Variants in SRGAP3 observed in about 807,000 individuals in gnomAD.
SRGAP3 encodes the protein SLIT-ROBO Rho GTPase-activating protein 3.
SRGAP3 carries 39 observed loss-of-function variants against 121.1 expected under a neutral mutation model. The ratio of observed to expected loss-of-function variants is 0.32; its 90% CI spans 0.25 to 0.42. The LOEUF (loss-of-function observed/expected upper bound fraction) is 0.42. Ranked by LOEUF, SRGAP3 falls within the 10% of genes least tolerant of loss-of-function variation. The pLI is 1.00. For synonymous variants in SRGAP3, 601 were observed against 570.0 expected (o/e 1.05, Z -0.77); for missense variants, 1,213 against 1,470.6 (o/e 0.82, Z 2.86).
At chr3:9,048,053 A>G (rs886972717) in intron 9 of SRGAP3, among the ~76,000 whole-genome samples, 9 of 152,246 alleles carry the variant, frequency 5.9e-5, no homozygotes, top group African/African-American at 2.2e-4. Flanking sequence ...CAGATGAGAA[A>G]AATGAAGCTT....
chr3:9,152,842 G>A (rs1259305889), intron 1 of SRGAP3, among the ~76,000 whole-genome samples: 1 of 130,258 alleles, frequency 7.7e-6, no homozygotes, highest in Non-Finnish European at 1.6e-5. Context: ...CCACATCCAC[G>A]ACTGATCAAC....
At chr3:9,065,652 A>T (rs1946395113) in intron 4 of SRGAP3, 1 of 152,176 alleles carries the variant, frequency 6.6e-6, no homozygotes, top group African/African-American at 2.4e-5. Flanking sequence ...AGATTCACTG[A>T]TGGTGCCGTA....
chr3:9,155,062 T>C (rs1950364765), intron 1 of SRGAP3, among the ~76,000 whole-genome samples: 1 of 152,146 alleles, frequency 6.6e-6, no homozygotes, highest in South Asian at 2.1e-4. Flanking sequence ...CTAGATGAAG[T>C]TGATCCTTTA....
chr3:9,035,304 T>C (rs530459007), intron 11 of SRGAP3: 1 of 159,846 alleles, frequency 6.3e-6, no homozygotes, highest in African/African-American at 2.4e-5. Flanking sequence ...TTTTGTTTTT[T>C]CTTAAATTCT....
intron 14 of SRGAP3, among the ~76,000 whole-genome samples, chr3:9,022,523 G>C (rs947245792): frequency 6.6e-6 from 1 of 152,202 alleles, no homozygotes; most frequent in African/African-American, 2.4e-5. Flanking sequence ...TGACGGCCAG[G>C]AAGAGGGAAG....
chr3:9,262,534 CAAAAAAAA>C (rs765408588), intron 3 of SRGAP3, among the ~76,000 whole-genome samples: 3 of 25,582 alleles, frequency 1.2e-4, no homozygotes, highest in Non-Finnish European at 2.3e-4. Flanking sequence ...AAATGGAAAG[CAAAAAAAA>C]AAAAAAAAAA....
intron 8 of SRGAP3, among the ~76,000 whole-genome samples, chr3:9,055,856 C>A (rs189891358): frequency 1.3e-5 from 2 of 151,934 alleles, no homozygotes; most frequent in East Asian, 3.9e-4. Flanking sequence ...TATGGCAATA[C>A]TGAACATAGA....
intron 1 of SRGAP3, among the ~76,000 whole-genome samples, chr3:9,147,329 C>T (rs910273506): frequency 6.6e-6 from 1 of 152,160 alleles, no homozygotes; most frequent in Non-Finnish European, 1.5e-5. Flanking sequence ...GGTCAGTAGG[C>T]TCAAGGGTTG....
At chr3:9,286,135 C>CACACACAA (rs767238062) in intron 3 of SRGAP3, among the ~76,000 whole-genome samples, 1 of 151,134 alleles carries the variant, frequency 6.6e-6, no homozygotes, top group Admixed American at 6.6e-5. Flanking sequence ...CACACACACA[C>CACACACAA]ACACACACAC....
At chr3:9,256,763 GCCTGCATTCTGCC>G in intron 3 of SRGAP3, 1 of 396,460 alleles carries the variant, frequency 2.5e-6, no homozygotes, top group Non-Finnish European at 4.4e-6. Context: ...TTTCAGCTCC[GCCTGCATTCTGCC>G]CCTGTGGAGG....
At chr3:9,185,522 TTTCC>T (rs1165376546) in intron 1 of SRGAP3, among the ~76,000 whole-genome samples, 1 of 151,850 alleles carries the variant, frequency 6.6e-6, no homozygotes, top group Non-Finnish European at 1.5e-5. Flanking sequence ...CGTTTTTTTC[TTTCC>T]TTCCTTATTT....
intron 1 of SRGAP3, among the ~76,000 whole-genome samples, chr3:9,238,712 C>A (rs538303630): frequency 6.6e-5 from 10 of 152,252 alleles, no homozygotes; most frequent in Middle Eastern, 3.4e-3. Context: ...CCAGGCAGAG[C>A]CCTAGGGAGG....
rs201139865 is a variant in SRGAP3, at chr3:9,125,161, CCA to C, written c.68-246_68-245del. Among the ~76,000 whole-genome samples the C allele has an allele frequency of 9.2e-5, 14 of 152,284 alleles. No homozygotes were observed. In the East Asian group the frequency reaches 2.7e-3, roughly 29 times the overall value. On this transcript the variant is annotated intron_variant, in intron 1 of 21. Coordinates refer to ENST00000383836, the MANE Select transcript of SRGAP3 (RefSeq NM_014850.4). ...CCAAAACTTGAATCACTGCATGTCA[CCA>C]CCACGATTTTTGCCATATTCACAGG... is the stretch of plus-strand genomic sequence containing the variant.
intron 19 of SRGAP3, 137 bp downstream of exon 19, chr3:8,994,206 A>G: frequency 8.9e-7 from 1 of 1,124,944 alleles, no homozygotes; most frequent in South Asian, 1.3e-5. Flanking sequence ...GATATTACCC[A>G]TTGTTAGAGA....
At chr3:9,326,610 G>A (rs796566066) in intron 2 of SRGAP3, among the ~76,000 whole-genome samples, 1 of 151,638 alleles carries the variant, frequency 6.6e-6, no homozygotes, top group Non-Finnish European at 1.5e-5. Flanking sequence ...ATGTCCTCTC[G>A]AATGCCAGTT....
intron 3 of SRGAP3, among the ~76,000 whole-genome samples, chr3:9,322,963 C>A (rs1955461697): frequency 6.6e-6 from 1 of 151,862 alleles, no homozygotes; most frequent in Admixed American, 6.5e-5. Flanking sequence ...TTGGTATATT[C>A]ACACTATGGA....
At chr3:9,010,580 T>G (rs1293175300) in intron 17 of SRGAP3, among the ~76,000 whole-genome samples, 193 bp from the exon 18 acceptor site, 1 of 152,098 alleles carries the variant, frequency 6.6e-6, no homozygotes, top group African/African-American at 2.4e-5. Context: ...GCCTCCTCCT[T>G]GCGAAGCTTC....
At chr3:9,030,525 T>C (rs893349212) in intron 12 of SRGAP3, among the ~76,000 whole-genome samples, 1 of 152,194 alleles carries the variant, frequency 6.6e-6, no homozygotes, top group Non-Finnish European at 1.5e-5. Context: ...CCAAAGCAGC[T>C]GCAGCAATGC....
intron 3 of SRGAP3, among the ~76,000 whole-genome samples, chr3:9,088,399 T>C (rs187685660): frequency 6.6e-6 from 1 of 152,292 alleles, no homozygotes; most frequent in East Asian, 1.9e-4. Flanking sequence ...GAGCCAGCCA[T>C]CATGAATGCA....
Sources: gnomAD v4.1 joint callset for allele counts (sites outside exome capture counted in the v4.1 genomes callset) on GRCh38, gnomAD v4.1.1 for gene constraint, MANE v1.5 for transcripts, NCBI Gene and HGNC (gene_info 2026-07-23, HGNC 2026-07-21) for gene names.